The following DGKI variants were observed in gnomAD, a reference collection of about 807,000 sequenced individuals.
The protein encoded by DGKI is diacylglycerol kinase iota.
Under a neutral mutation model 147.5 loss-of-function variants are expected in DGKI, and 55 were observed. The ratio of observed to expected loss-of-function variants is 0.37; its 90% CI spans 0.30 to 0.47. The LOEUF (loss-of-function observed/expected upper bound fraction) is 0.47. Ranked by LOEUF, DGKI falls within the 20% of genes least tolerant of loss-of-function variation. The pLI, the probability that DGKI is intolerant of heterozygous loss-of-function variation, is 1.00. For missense variants in DGKI, 1,007 were observed against 1,323.8 expected (o/e 0.76, Z 3.71); for synonymous variants, 469 against 477.1 (o/e 0.98, Z 0.22).
At chr7:137,582,436 A>C (rs12112995) in intron 14 of DGKI, among the ~76,000 whole-genome samples, 85,875 of 138,724 alleles carry the variant, frequency 0.62, 25,889 homozygotes, top group Non-Finnish European at 0.68. Flanking sequence ...CTCTCTCTCT[A>C]TATATATATA....
At chr7:137,783,433 AAAGAAT>A (rs1796580081) in intron 1 of DGKI, among the ~76,000 whole-genome samples, 1 of 152,224 alleles carries the variant, frequency 6.6e-6, no homozygotes, top group Non-Finnish European at 1.5e-5. Context: ...GACAAAGAAA[AAAGAAT>A]TTTAAAAAAT....
At chr7:137,426,334 C>G (rs377380963) in intron 28 of DGKI, among the ~76,000 whole-genome samples, 1 of 152,138 alleles carries the variant, frequency 6.6e-6, no homozygotes, top group Non-Finnish European at 1.5e-5. Flanking sequence ...AAATACTTTA[C>G]AGACAAGCAA....
At chr7:137,812,555 C>T (rs1037457770) in intron 1 of DGKI, among the ~76,000 whole-genome samples, 4 of 152,160 alleles carry the variant, frequency 2.6e-5, no homozygotes, top group Non-Finnish European at 5.9e-5. Context: ...ATGCTGAGCC[C>T]CTAGCATCAT....
chr7:137,715,578 T>A (rs1203467118), intron 1 of DGKI, among the ~76,000 whole-genome samples: 2 of 152,172 alleles, frequency 1.3e-5, no homozygotes, highest in Non-Finnish European at 2.9e-5. Flanking sequence ...TCTTGTAGAA[T>A]CACTATTAAA....
chr7:137,630,635 A>C (rs1287234181), intron 6 of DGKI, among the ~76,000 whole-genome samples: 1 of 152,244 alleles, frequency 6.6e-6, no homozygotes, highest in Non-Finnish European at 1.5e-5. Flanking sequence ...GACACCTATA[A>C]CAATGGCAAC....
intron 23 of DGKI, among the ~76,000 whole-genome samples, chr7:137,481,735 C>CATTAA (rs1289010999): frequency 1.3e-5 from 2 of 152,056 alleles, no homozygotes; most frequent in Non-Finnish European, 2.9e-5. Context: ...ACATGGCTCA[C>CATTAA]TAATAAGGTG....
intron 1 of DGKI, among the ~76,000 whole-genome samples, chr7:137,841,831 T>C (rs1269322770): frequency 1.3e-5 from 2 of 152,212 alleles, no homozygotes; most frequent in African/African-American, 2.4e-5. Flanking sequence ...TTTGGCCCCA[T>C]GAGGCAATGC....
At position 137,775,623 on chromosome 7, in the gene DGKI, A is replaced by C. The variant is rs565469432; in HGVS notation, c.401+70839T>G. Among the ~76,000 whole-genome samples the C allele has an allele frequency of 4.6e-5, 7 of 152,356 alleles. No individual in the cohort carries two copies. In the East Asian group the frequency reaches 7.7e-4, roughly 17 times the overall value. On this transcript the variant is annotated intron_variant, in intron 1 of 32. Coordinates refer to ENST00000614521, the MANE Select transcript of DGKI (RefSeq NM_001321708.2). ...ATTCTTGATTGGCACATCTACTTTG[A>C]ACCAACAATTCCTCGTCTATAAGTC...
chr7:137,732,005 C>G (rs1233797689), intron 1 of DGKI, among the ~76,000 whole-genome samples: 6 of 152,026 alleles, frequency 3.9e-5, no homozygotes, highest in Non-Finnish European at 8.8e-5. Flanking sequence ...CAAAAGTTTC[C>G]ACCTTCCAAT....
At chr7:137,692,871 T>C (rs886790411) in intron 1 of DGKI, among the ~76,000 whole-genome samples, 4 of 151,970 alleles carry the variant, frequency 2.6e-5, no homozygotes, top group Admixed American at 6.5e-5. Context: ...GAGAAAAAAA[T>C]AAGTAAAAAA....
chr7:137,628,496 A>G (rs957554538), intron 6 of DGKI, among the ~76,000 whole-genome samples: 1 of 152,212 alleles, frequency 6.6e-6, no homozygotes, highest in Non-Finnish European at 1.5e-5. Context: ...GACTCTGGCC[A>G]GGCTCTCAGC....
intron 12 of DGKI, among the ~76,000 whole-genome samples, chr7:137,592,255 A>T (rs1181938050): frequency 6.6e-6 from 1 of 152,194 alleles, no homozygotes; most frequent in Non-Finnish European, 1.5e-5. Flanking sequence ...CTTTCAATTA[A>T]ATTATTTAAT....
At chr7:137,623,777 G>A (rs1820835905) in intron 6 of DGKI, among the ~76,000 whole-genome samples, 1 of 152,174 alleles carries the variant, frequency 6.6e-6, no homozygotes, top group Non-Finnish European at 1.5e-5. Context: ...AGAGAGAGGA[G>A]GTGCTGGTAT....
At position 137,562,405 on chromosome 7, in the gene DGKI, G is replaced by A. The variant is rs989138355; in HGVS notation, c.1947+8770C>T. 3.2e-4 allele frequency among the ~76,000 whole-genome samples: 49 copies of A among 152,188 alleles called. 1 individual carries two copies. Among genetic ancestry groups the A allele is most frequent in the Middle Eastern group, 3.4e-3 (1 of 294 alleles). On this transcript the variant is annotated intron_variant, in intron 19 of 32. Transcript: ENST00000614521. Reference sequence around the variant, plus strand: ...ACAAAAATTAGCCGGCCCTTGTGGCGGGCACCTATAATCCCAGCTATTCAG... The same window carrying A: ...ACAAAAATTAGCCGGCCCTTGTGGCAGGCACCTATAATCCCAGCTATTCAG...
intron 6 of DGKI, among the ~76,000 whole-genome samples, chr7:137,628,171 C>T (rs1462727682): frequency 6.6e-6 from 1 of 152,138 alleles, no homozygotes; most frequent in Admixed American, 6.6e-5. Context: ...CCCCACCTCG[C>T]TACTAAGTAT....
intron 1 of DGKI, among the ~76,000 whole-genome samples, chr7:137,760,162 C>G (rs1238805894): frequency 6.6e-6 from 1 of 152,088 alleles, no homozygotes; most frequent in Non-Finnish European, 1.5e-5. Flanking sequence ...CCTGCGGGCC[C>G]TCTCCTTTCT....
intron 1 of DGKI, among the ~76,000 whole-genome samples, chr7:137,770,901 A>G (rs1796174422): frequency 6.6e-6 from 1 of 152,160 alleles, no homozygotes; most frequent in Non-Finnish European, 1.5e-5. Flanking sequence ...AAGATCATAT[A>G]GTCTTGAAGT....
chr7:137,703,104 A>T lies in DGKI; in HGVS notation c.402-13102T>A, dbSNP rs905749428. 2.6e-5 allele frequency among the ~76,000 whole-genome samples: 4 copies of T among 152,112 alleles called. No homozygotes were observed. In the South Asian group the frequency reaches 8.3e-4, roughly 32 times the overall value. On this transcript the variant is annotated intron_variant, in intron 1 of 32. Coordinates refer to ENST00000614521, the MANE Select transcript of DGKI (RefSeq NM_001321708.2). ...TTATGAAAAAAAAGAGGTTTAATTG[A>T]CTCACAGTTCTGCAGGTTTAACAGG... is the stretch of plus-strand genomic sequence containing the variant.
At chr7:137,789,696 T>C (rs1325867994) in intron 1 of DGKI, among the ~76,000 whole-genome samples, 2 of 152,210 alleles carry the variant, frequency 1.3e-5, no homozygotes, top group African/African-American at 4.8e-5. Flanking sequence ...CAAACTTGCC[T>C]GGACAAGAAC....
Sources: allele counts gnomAD v4.1 joint callset (sites outside exome capture counted in the v4.1 genomes callset), GRCh38; gene constraint gnomAD v4.1.1; transcripts MANE v1.5; gene names NCBI Gene and HGNC (gene_info 2026-07-23, HGNC 2026-07-21).